ARL6IP6: variants seen among roughly 807,000 people sequenced by gnomAD.
The protein encoded by ARL6IP6 is ARF like GTPase 6 interacting protein 6, also known as ADP-ribosylation factor-like protein 6-interacting protein 6.
ARL6IP6 carries 22 observed loss-of-function variants against 21.5 expected under a neutral mutation model. That is an observed-to-expected ratio of 1.02 (90% CI 0.73 to 1.46). The LOEUF is 1.46. Ranked by LOEUF, ARL6IP6 falls within the 40% of genes most tolerant of loss-of-function variation. The probability of loss-of-function intolerance (pLI) is 0.00; values close to 1 mark genes in which losing one functional copy is unlikely to be tolerated. For missense variants in ARL6IP6, 388 were observed against 299.8 expected (o/e 1.29, Z -2.17); for synonymous variants, 164 against 125.3 (o/e 1.31, Z -2.06).
intron 3 of ARL6IP6, among the ~76,000 whole-genome samples, chr2:152,738,880 G>T (rs1700672805): frequency 6.6e-6 from 1 of 150,986 alleles, no homozygotes; most frequent in Non-Finnish European, 1.5e-5. Flanking sequence ...TTTCTTTTCT[G>T]TCACATAGTC....
At chr2:152,752,647 G>A (rs1285828952) in intron 3 of ARL6IP6, among the ~76,000 whole-genome samples, 3 of 152,202 alleles carry the variant, frequency 2.0e-5, no homozygotes, top group East Asian at 1.9e-4. Flanking sequence ...GTCCCTGTTG[G>A]CTGCCTCTCA....
rs1232053673 is a variant in ARL6IP6, at chr2:152,760,545, G to A, written c.*705G>A. 6.6e-6 allele frequency: 1 copy of A among 151,030 alleles called. No individual in the cohort carries two copies. The highest frequency in any genetic ancestry group is 1.5e-5 in the Non-Finnish European group (1 of 67,718). 9.4% of individuals were successfully genotyped at this position (151,030 alleles called of 1,614,324 possible). On this transcript the variant is annotated 3_prime_UTR_variant, in exon 4 of 4. Transcript: ENST00000326446. ...TTACTAATTTTTGTCTTTAAAAAAA[G>A]CAAAAAAGCACATTGACCTAAGTTG...
chr2:152,733,405 C>T lies in ARL6IP6; in HGVS notation c.455-1589C>T, dbSNP rs146612767. 5.0e-3 allele frequency among the ~76,000 whole-genome samples: 757 copies of T among 152,190 alleles called. 5 individuals are homozygous for T. Among genetic ancestry groups the T allele is most frequent in the Middle Eastern group, 0.014 (4 of 294 alleles). On this transcript the variant is annotated intron_variant, in intron 2 of 3. Transcript: ENST00000326446. ...TCAGTCTCCCAAGTAGCTGGGATTA[C>T]AGTCATGCACCACCATGCCCAGCTA...
intron 2 of ARL6IP6, among the ~76,000 whole-genome samples, chr2:152,728,724 A>T (rs1218973460): frequency 1.3e-5 from 2 of 152,172 alleles, no homozygotes; most frequent in Non-Finnish European, 2.9e-5. Context: ...CTTTGGATGA[A>T]AACAGTCTTA....
chr2:152,751,911 A>G (rs989754444), intron 3 of ARL6IP6, among the ~76,000 whole-genome samples: 2 of 152,194 alleles, frequency 1.3e-5, no homozygotes, highest in African/African-American at 4.8e-5. Context: ...TTGCTGGATT[A>G]TATGGTAGTT....
At chr2:152,727,785 A>G (rs947641536) in intron 2 of ARL6IP6, among the ~76,000 whole-genome samples, 2 of 152,236 alleles carry the variant, frequency 1.3e-5, no homozygotes, top group Non-Finnish European at 1.5e-5. Context: ...GTAGTAGGCT[A>G]TATACCTAGG....
At chr2:152,730,405 G>T (rs1179232683) in intron 2 of ARL6IP6, among the ~76,000 whole-genome samples, 1 of 152,162 alleles carries the variant, frequency 6.6e-6, no homozygotes, top group Non-Finnish European at 1.5e-5. Flanking sequence ...TTCTGGAGAA[G>T]TATGTTAAAC....
intron 3 of ARL6IP6, among the ~76,000 whole-genome samples, chr2:152,744,398 T>G (rs1371764370): frequency 6.6e-6 from 1 of 152,120 alleles, no homozygotes; most frequent in Non-Finnish European, 1.5e-5. Flanking sequence ...CTCTTACATT[T>G]TTAGAGAAAT....
intron 3 of ARL6IP6, among the ~76,000 whole-genome samples, chr2:152,741,166 T>G (rs186997825): frequency 6.6e-6 from 1 of 152,172 alleles, no homozygotes; most frequent in East Asian, 1.9e-4. Flanking sequence ...TATATAAAAG[T>G]AATTCAGATT....
chr2:152,743,773 G>A (rs1700922676), intron 3 of ARL6IP6, among the ~76,000 whole-genome samples: 2 of 152,110 alleles, frequency 1.3e-5, no homozygotes, highest in African/African-American at 2.4e-5. Flanking sequence ...ATTTCAAATT[G>A]CAAGCTTATG....
upstream of ARL6IP6, chr2:152,717,972 G>A (rs1347727402): frequency 2.0e-6 from 2 of 1,003,682 alleles, no homozygotes; most frequent in African/African-American, 1.7e-5. Context: ...TCGGAGGAGA[G>A]GGTTCGATCT....
chr2:152,758,144 C>T (rs1014835608), intron 3 of ARL6IP6, among the ~76,000 whole-genome samples: 1 of 152,100 alleles, frequency 6.6e-6, no homozygotes, highest in Non-Finnish European at 1.5e-5. Flanking sequence ...TTAGTATTTG[C>T]ATATAACCTA....
intron 3 of ARL6IP6, among the ~76,000 whole-genome samples, chr2:152,746,257 G>A (rs1256369707): frequency 6.6e-6 from 1 of 152,052 alleles, no homozygotes; most frequent in East Asian, 1.9e-4. Context: ...GAACTCCTGG[G>A]TTCAAGTGAT....
chr2:152,747,338 TTC>T (rs1047732868), intron 3 of ARL6IP6, among the ~76,000 whole-genome samples: 6 of 152,198 alleles, frequency 3.9e-5, no homozygotes, highest in African/African-American at 1.4e-4. Context: ...GAGCTTCCTA[TTC>T]TCTCCATTGT....
chr2:152,732,301 G>A (rs1700355257), intron 2 of ARL6IP6, among the ~76,000 whole-genome samples: 3 of 152,122 alleles, frequency 2.0e-5, no homozygotes, highest in South Asian at 4.1e-4. Flanking sequence ...CTCCAAAACA[G>A]CCATGCATGA....
At chr2:152,746,737 G>A (rs572766210) in intron 3 of ARL6IP6, among the ~76,000 whole-genome samples, 1 of 151,318 alleles carries the variant, frequency 6.6e-6, no homozygotes, top group Non-Finnish European at 1.5e-5. Context: ...GGTTTTTTGA[G>A]CTGGAAGTCT....
intron 1 of ARL6IP6, chr2:152,720,105 A>ATGG: frequency 2.6e-5 from 9 of 340,522 alleles, no homozygotes; most frequent in East Asian, 8.1e-5. Context: ...CCTTTTTTGC[A>ATGG]ATTCTGATAG....
chr2:152,727,108 T>A (rs993956609), intron 2 of ARL6IP6, among the ~76,000 whole-genome samples: 3 of 152,184 alleles, frequency 2.0e-5, no homozygotes, highest in Non-Finnish European at 4.4e-5. Flanking sequence ...TCATAGGAGA[T>A]GACAGTTTCA....
chr2:152,730,041 A>T (rs548659987), intron 2 of ARL6IP6, among the ~76,000 whole-genome samples: 1 of 152,184 alleles, frequency 6.6e-6, no homozygotes, highest in African/African-American at 2.4e-5. Flanking sequence ...CGAATCATAA[A>T]CACTTCTAGA....
Sources: gnomAD v4.1 joint callset for allele counts (sites outside exome capture counted in the v4.1 genomes callset) on GRCh38, gnomAD v4.1.1 for gene constraint, MANE v1.5 for transcripts, NCBI Gene and HGNC (gene_info 2026-07-23, HGNC 2026-07-21) for gene names.